The following PDE4B variants were observed in gnomAD, a reference collection of about 807,000 sequenced individuals.
PDE4B encodes the protein 3',5'-cyclic-AMP phosphodiesterase 4B.
Under a neutral mutation model 82.2 loss-of-function variants are expected in PDE4B, and 20 were observed. That is an observed-to-expected ratio of 0.24 (90% confidence interval 0.17 to 0.35). The LOEUF is 0.35. Ranked by LOEUF, PDE4B falls within the 10% of genes least tolerant of loss-of-function variation. The pLI, the probability that PDE4B is intolerant of heterozygous loss-of-function variation, is 1.00. For synonymous variants in PDE4B, 320 were observed against 318.9 expected (o/e 1.00, Z -0.04); for missense variants, 655 against 907.2 (o/e 0.72, Z 3.57).
At chr1:66,158,137 A>G (rs188885772) in intron 3 of PDE4B, among the ~76,000 whole-genome samples, 3 of 152,306 alleles carry the variant, frequency 2.0e-5, no homozygotes, top group Admixed American at 6.5e-5. Flanking sequence ...GAATTGCCCT[A>G]AAAATATAGG....
chr1:65,988,832 A>G (rs776971108), intron 3 of PDE4B, among the ~76,000 whole-genome samples: 9 of 152,128 alleles, frequency 5.9e-5, no homozygotes, highest in Non-Finnish European at 1.3e-4. Context: ...ATAGTTGAAA[A>G]GTAGTTACTC....
At chr1:66,104,977 C>A (rs891750675) in intron 3 of PDE4B, among the ~76,000 whole-genome samples, 1 of 151,272 alleles carries the variant, frequency 6.6e-6, no homozygotes, top group Non-Finnish European at 1.5e-5. Flanking sequence ...GCTTTTGTTG[C>A]CATTGCTTTT....
intron 1 of PDE4B, among the ~76,000 whole-genome samples, chr1:65,852,304 A>G (rs539788636): frequency 1.2e-4 from 18 of 152,108 alleles, no homozygotes; most frequent in African/African-American, 4.1e-4. Flanking sequence ...TTACTTAAAT[A>G]TTAGATAGAA....
At chr1:66,353,977 G>A (rs1051945805) in intron 8 of PDE4B, among the ~76,000 whole-genome samples, 1 of 151,988 alleles carries the variant, frequency 6.6e-6, no homozygotes, top group Non-Finnish European at 1.5e-5. Context: ...AGCTGATGGA[G>A]GGCAGAAACT....
chr1:66,244,826 G>A (rs1260038773), intron 3 of PDE4B, among the ~76,000 whole-genome samples: 2 of 152,222 alleles, frequency 1.3e-5, no homozygotes, highest in African/African-American at 4.8e-5. Flanking sequence ...GCAAACAGGG[G>A]CATCATGGAG....
chr1:66,253,159 G>A (rs887683060), intron 4 of PDE4B, among the ~76,000 whole-genome samples: 1 of 152,130 alleles, frequency 6.6e-6, no homozygotes, highest in Non-Finnish European at 1.5e-5. Context: ...ACATGGAGAG[G>A]TTACCTAATG....
intron 3 of PDE4B, among the ~76,000 whole-genome samples, chr1:66,099,817 A>G (rs1179075947): frequency 6.6e-6 from 1 of 152,120 alleles, no homozygotes; most frequent in Non-Finnish European, 1.5e-5. Flanking sequence ...GCAATCACTT[A>G]TGAATTTGAT....
rs555191516 is a variant in PDE4B at position 66,262,223 on chromosome 1, G to A, written c.585-3815G>A. ...AACTGAGGATCATAAAATGTTTAGC[G>A]TTCAGAGCTGGAATGAACCTAGCCA... On this transcript the variant is annotated intron_variant, in intron 6 of 16. Coordinates refer to ENST00000341517, the MANE Select transcript of PDE4B (RefSeq NM_002600.4). Among the ~76,000 whole-genome samples the A allele has an allele frequency of 7.2e-5, 11 of 152,312 alleles. No individual in the cohort carries two copies. In the South Asian group the frequency reaches 1.0e-3, roughly 14 times the overall value.
At chr1:65,960,871 G>A (rs1039818963) in intron 3 of PDE4B, among the ~76,000 whole-genome samples, 3 of 151,972 alleles carry the variant, frequency 2.0e-5, no homozygotes, top group Non-Finnish European at 4.4e-5. Flanking sequence ...CATTATAATG[G>A]CTCCTCTCTC....
At chr1:66,062,127 T>C (rs780420284) in intron 3 of PDE4B, among the ~76,000 whole-genome samples, 11 of 152,066 alleles carry the variant, frequency 7.2e-5, no homozygotes, top group Non-Finnish European at 1.2e-4. Context: ...CATTTAAACA[T>C]TGCTGATATT....
At chr1:65,973,540 C>CTAA (rs1340586518) in intron 3 of PDE4B, among the ~76,000 whole-genome samples, 1 of 152,078 alleles carries the variant, frequency 6.6e-6, no homozygotes, top group Non-Finnish European at 1.5e-5. Context: ...AACTTGGACA[C>CTAA]AATAGACACC....
intron 3 of PDE4B, among the ~76,000 whole-genome samples, chr1:66,219,725 C>T (rs1570494769): frequency 6.6e-6 from 1 of 152,146 alleles, no homozygotes; most frequent in East Asian, 1.9e-4. Context: ...AGATCAAACA[C>T]TGTCAAGAAG....
At chr1:66,020,829 C>T (rs149101876) in intron 3 of PDE4B, among the ~76,000 whole-genome samples, 3,739 of 152,198 alleles carry the variant, frequency 0.025, 77 homozygotes, top group Middle Eastern at 0.034. Context: ...GGGTATATGC[C>T]CAGTAACGGG....
chr1:65,964,286 G>T (rs1326659703), intron 3 of PDE4B, among the ~76,000 whole-genome samples: 3 of 152,044 alleles, frequency 2.0e-5, no homozygotes, highest in African/African-American at 7.2e-5. Context: ...TACATGCCAA[G>T]CAATAAAACG....
chr1:66,345,169 T>C (rs79846108), intron 8 of PDE4B, among the ~76,000 whole-genome samples: 2,309 of 152,308 alleles, frequency 0.015, 34 homozygotes, highest in Non-Finnish European at 0.025. Context: ...CTTTACCTAC[T>C]AAATGTCAAG....
intron 3 of PDE4B, among the ~76,000 whole-genome samples, chr1:66,112,269 G>C (rs780641557): frequency 6.6e-6 from 1 of 151,960 alleles, no homozygotes; most frequent in Non-Finnish European, 1.5e-5. Flanking sequence ...TAATGTTCTT[G>C]TATTGCTTGC....
intron 1 of PDE4B, among the ~76,000 whole-genome samples, chr1:65,904,860 T>C (rs1647010623): frequency 6.6e-6 from 1 of 152,176 alleles, no homozygotes; most frequent in African/African-American, 2.4e-5. Context: ...CATGAGATGA[T>C]AGATTTAGGG....
At chr1:65,815,036 T>C (rs1398601663) in intron 1 of PDE4B, among the ~76,000 whole-genome samples, 1 of 119,506 alleles carries the variant, frequency 8.4e-6, no homozygotes, top group African/African-American at 2.8e-5. Context: ...TTTATTTATT[T>C]ATTTATTTAT....
intron 3 of PDE4B, among the ~76,000 whole-genome samples, chr1:66,150,987 T>C (rs184592412): frequency 6.6e-4 from 100 of 152,352 alleles, no homozygotes; most frequent in Non-Finnish European, 1.3e-3. Flanking sequence ...TGTTAGCCTG[T>C]ATTTTTCTTT....
Sources: gnomAD v4.1 joint callset for allele counts (sites outside exome capture counted in the v4.1 genomes callset) on GRCh38, gnomAD v4.1.1 for gene constraint, MANE v1.5 for transcripts, NCBI Gene and HGNC (gene_info 2026-07-23, HGNC 2026-07-21) for gene names.